TCN2: variants seen among roughly 807,000 people sequenced by gnomAD.
The protein encoded by TCN2 is transcobalamin-2.
Under a neutral mutation model 48.6 loss-of-function variants are expected in TCN2, and 34 were observed. The ratio of observed to expected loss-of-function variants is 0.70; its 90% CI spans 0.53 to 0.93. The LOEUF (loss-of-function observed/expected upper bound fraction) is 0.93. Among genes scored for constraint, TCN2 ranks in the 40% least tolerant of loss-of-function variants. TCN2 has a pLI of 0.00. For missense variants in TCN2, 652 were observed against 526.1 expected (o/e 1.24, Z -2.34); for synonymous variants, 283 against 212.5 (o/e 1.33, Z -2.89).
chr22:30,607,201 G>T lies in TCN2; in HGVS notation c.-131G>T, dbSNP rs566073964. On this transcript the variant is annotated 5_prime_UTR_variant, in exon 1 of 9. An upstream start codon of the reference 5' UTR is lost. Transcript: ENST00000215838. ...AGACTTAGCCGTGCATTGCAGGCATGGAGGATTAATCAGTGACAGGAAGCT... is the reference window on the plus strand; with the variant it reads ...AGACTTAGCCGTGCATTGCAGGCATTGAGGATTAATCAGTGACAGGAAGCT... The T allele has an allele frequency of 1.0e-6, 1 of 995,124 alleles. No homozygotes were observed. The highest frequency in any genetic ancestry group is 1.6e-6 in the Non-Finnish European group (1 of 626,882). The allele number at this position is 995,124 out of a possible 1,614,324, so 61.6% of individuals were successfully genotyped here. A position where few individuals can be genotyped will look rare whatever the true frequency, so the allele number is the denominator to read the frequency against.
chr22:30,611,534 C>T (rs896928771), intron 2 of TCN2, among the ~76,000 whole-genome samples: 3 of 152,180 alleles, frequency 2.0e-5, no homozygotes, highest in South Asian at 2.1e-4. Context: ...CTTTTCTTTC[C>T]TCTCACTCTG....
At chr22:30,607,708 A>G (rs923604908) in intron 1 of TCN2, among the ~76,000 whole-genome samples, 4 of 151,942 alleles carry the variant, frequency 2.6e-5, no homozygotes, top group Non-Finnish European at 4.4e-5. Context: ...GCCATCCTAG[A>G]GCTTATGTTC....
chr22:30,621,675 G>A (rs1299388856), intron 7 of TCN2, among the ~76,000 whole-genome samples: 1 of 152,116 alleles, frequency 6.6e-6, no homozygotes, highest in Non-Finnish European at 1.5e-5. Context: ...GTAGAGATGG[G>A]GTTTCACCAT....
rs765270642 is a variant in TCN2 at position 30,608,777 on chromosome 22, C to T, written c.64+1382C>T. ...GGAACCCCAGCTCTTGGTTCATGTC[C>T]GGACAGTCCCCAGGGGAGTTCTGGG... On this transcript the variant is annotated intron_variant, in intron 1 of 8. Coordinates refer to ENST00000215838, the MANE Select transcript of TCN2 (RefSeq NM_000355.4). Among the ~76,000 whole-genome samples, 4 of 152,294 alleles carry T rather than the reference C, an allele frequency of 2.6e-5. No homozygotes were observed. The East Asian group carries it at 7.7e-4, about 29-fold the overall frequency.
Position 30,623,007 on chromosome 22 carries a change from C to T in TCN2, c.1146C>T (p.Thr382=). Residue 382 remains threonine (T), a synonymous_variant, in exon 8 of 9, where the codon ACC becomes ACT. Coordinates refer to ENST00000215838, the MANE Select transcript of TCN2 (RefSeq NM_000355.4). ...TQASLSGPYL[T]SVMGKAAGER... is the part of the protein sequence containing the mutation. ...CCTCCTTGTCAGGCCCCTACTTAAC[C>T]TCCGTGATGGGGAAAGCGGCCGGAG... is the stretch of plus-strand genomic sequence containing the variant. 1 of 1,614,094 alleles carries T rather than the reference C, an allele frequency of 6.2e-7. No individual in the cohort carries two copies.
intron 8 of TCN2, 29 bp from the exon 9 acceptor site, chr22:30,626,431 G>A (rs375493001): frequency 8.9e-5 from 144 of 1,613,264 alleles, no homozygotes; most frequent in East Asian, 1.6e-4. Context: ...TGCCCAATTC[G>A]CCCCTCCTTG....
chr22:30,612,258 T>A (rs12485216), intron 2 of TCN2, among the ~76,000 whole-genome samples: 184 of 145,246 alleles, frequency 1.3e-3, no homozygotes, highest in African/African-American at 4.0e-3. Flanking sequence ...AAAAAAAAAA[T>A]AAAAATATGG....
At chr22:30,609,158 TC>T (rs1569037443) in intron 1 of TCN2, among the ~76,000 whole-genome samples, 1 of 151,520 alleles carries the variant, frequency 6.6e-6, no homozygotes, top group African/African-American at 2.4e-5. Flanking sequence ...TCTTTCTTCT[TC>T]TTTTTTTTTT....
At chr22:30,618,636 C>T (rs932022099) in intron 7 of TCN2, among the ~76,000 whole-genome samples, 1 of 152,082 alleles carries the variant, frequency 6.6e-6, no homozygotes, top group Non-Finnish European at 1.5e-5. Flanking sequence ...CAGGCATGGG[C>T]CTCCGTGCCC....
chr22:30,609,116 T>A (rs2087497661), intron 1 of TCN2, among the ~76,000 whole-genome samples: 2 of 151,788 alleles, frequency 1.3e-5, no homozygotes, highest in African/African-American at 4.8e-5. Context: ...GCACAAACGC[T>A]AATGCAAAGT....
intron 8 of TCN2, among the ~76,000 whole-genome samples, chr22:30,623,623 A>G (rs1385042592): frequency 2.0e-5 from 3 of 151,474 alleles, no homozygotes; most frequent in Non-Finnish European, 4.4e-5. Context: ...AAATGGAGCC[A>G]TGCTATCCAG....
At chr22:30,623,717 C>CATATATATGTATACATATATAT (rs2087735389) in intron 8 of TCN2, among the ~76,000 whole-genome samples, 2 of 129,966 alleles carry the variant, frequency 1.5e-5, no homozygotes, top group Non-Finnish European at 3.2e-5. Context: ...TATATACAGA[C>CATATATATGTATACATATATAT]ACACATATAT....
intron 8 of TCN2, 138 bp downstream of exon 8, chr22:30,623,221 A>T: frequency 1.3e-6 from 1 of 758,006 alleles, no homozygotes; most frequent in South Asian, 1.6e-5. Flanking sequence ...TCAAAGTTGG[A>T]TATAATATAT....
At position 30,614,313 on chromosome 22, in the gene TCN2, G is replaced by A. The variant is rs759587689; in HGVS notation, c.428-36G>A. ...TGGCGGGGCTGGCTGCTGGGTGGGG[G>A]CAGAGAGGCAACCCCTCTGTTTTTT... On this transcript the variant is annotated intron_variant, in intron 3 of 8. Coordinates refer to ENST00000215838, the MANE Select transcript of TCN2 (RefSeq NM_000355.4). 10 of 1,607,724 alleles carry A rather than the reference G, an allele frequency of 6.2e-6. No homozygotes were observed. The East Asian group carries it at 1.8e-4, about 29-fold the overall frequency.
chr22:30,616,330 A>G (rs572100045), intron 6 of TCN2, among the ~76,000 whole-genome samples: 1 of 152,170 alleles, frequency 6.6e-6, no homozygotes, highest in South Asian at 2.1e-4. Context: ...AAAAATACAA[A>G]AAAGTAGCTG....
Position 30,626,698 on chromosome 22 carries a change from C to T in TCN2, c.*177C>T, listed in dbSNP as rs184018052. 4.6e-5 allele frequency: 32 copies of T among 699,712 alleles called. No individual in the cohort carries two copies. Among genetic ancestry groups the T allele is most frequent in the Non-Finnish European group, 8.0e-5 (32 of 398,116 alleles). The allele number at this position is 699,712 out of a possible 1,614,324, so 43.3% of individuals were successfully genotyped here. ...TTCGAGGGCCCTATACCATGGCCCACCTTGGAGCAGAGAGCCAAGCATCTT... is the reference window on the plus strand; with the variant it reads ...TTCGAGGGCCCTATACCATGGCCCATCTTGGAGCAGAGAGCCAAGCATCTT... On this transcript the variant is annotated 3_prime_UTR_variant, in exon 9 of 9. Coordinates refer to ENST00000215838, the MANE Select transcript of TCN2 (RefSeq NM_000355.4).
chr22:30,623,955 TAC>T lies in TCN2; in HGVS notation c.1222+874_1222+875del, dbSNP rs1243801828. Among the ~76,000 whole-genome samples the T allele has an allele frequency of 1.2e-4, 10 of 81,078 alleles. 3 individuals carry two copies. Among genetic ancestry groups the T allele is most frequent in the Non-Finnish European group, 2.3e-4 (9 of 39,768 alleles). 53.2% of individuals were successfully genotyped at this position (81,078 alleles called of 152,430 possible). On this transcript the variant is annotated intron_variant, in intron 8 of 8. Coordinates refer to ENST00000215838, the MANE Select transcript of TCN2 (RefSeq NM_000355.4). ...ACATATATACACACACACATATGTA[TAC>T]ATATATACACACACATATATATGTA...
chr22:30,613,958 G>C (rs1484331542), intron 3 of TCN2, among the ~76,000 whole-genome samples: 1 of 152,128 alleles, frequency 6.6e-6, no homozygotes, highest in African/African-American at 2.4e-5. Flanking sequence ...CCTGCGTGCA[G>C]TTCACTCCTG....
At chr22:30,620,626 A>T (rs887581171) in intron 7 of TCN2, among the ~76,000 whole-genome samples, 1 of 152,256 alleles carries the variant, frequency 6.6e-6, no homozygotes, top group Non-Finnish European at 1.5e-5. Flanking sequence ...ACAGACTGAG[A>T]TTACCCAGAA....
Sources: gnomAD v4.1 joint callset for allele counts (sites outside exome capture counted in the v4.1 genomes callset) on GRCh38, gnomAD v4.1.1 for gene constraint, MANE v1.5 for transcripts, NCBI Gene and HGNC (gene_info 2026-07-23, HGNC 2026-07-21) for gene names.